Variants in SLC24A3 observed in about 807,000 individuals in gnomAD.
SLC24A3 encodes the protein solute carrier family 24 member 3.
SLC24A3 carries 28 observed loss-of-function variants against 75.8 expected under a neutral mutation model. The ratio of observed to expected loss-of-function variants is 0.37; its 90% confidence interval spans 0.27 to 0.51. The LOEUF (loss-of-function observed/expected upper bound fraction) is 0.51. SLC24A3 is among the 20% of genes least tolerant of loss of function. The pLI, the probability that SLC24A3 is intolerant of heterozygous loss-of-function variation, is 0.94. For missense variants in SLC24A3, 663 were observed against 847.8 expected (o/e 0.78, Z 2.71); for synonymous variants, 372 against 334.1 (o/e 1.11, Z -1.24).
chr20:19,521,048 C>T, intron 3 of SLC24A3, among the ~76,000 whole-genome samples: 1 of 152,088 alleles, frequency 6.6e-6, no homozygotes, highest in East Asian at 1.9e-4. Context: ...TTTTCAGGTC[C>T]ACTGTCTATT....
At chr20:19,215,037 C>A (rs534495187) in intron 1 of SLC24A3, among the ~76,000 whole-genome samples, 2 of 152,054 alleles carry the variant, frequency 1.3e-5, no homozygotes, top group Non-Finnish European at 2.9e-5. Context: ...CTTTTTTTTC[C>A]GTTAGGTATT....
At chr20:19,610,678 G>T (rs767035132) in intron 6 of SLC24A3, among the ~76,000 whole-genome samples, 1 of 152,238 alleles carries the variant, frequency 6.6e-6, no homozygotes, top group Non-Finnish European at 1.5e-5. Flanking sequence ...TATCAAGCAG[G>T]TCACTGCTCT....
chr20:19,391,126 C>T (rs1325388746), intron 2 of SLC24A3, among the ~76,000 whole-genome samples: 2 of 152,246 alleles, frequency 1.3e-5, no homozygotes, highest in Admixed American at 1.3e-4. Context: ...GGCATTTAAC[C>T]CAAGCTGTCT....
At chr20:19,598,829 G>T (rs973137407) in intron 6 of SLC24A3, among the ~76,000 whole-genome samples, 4 of 151,826 alleles carry the variant, frequency 2.6e-5, no homozygotes, top group Non-Finnish European at 5.9e-5. Flanking sequence ...CTAAACACAT[G>T]TGTCCCAGCC....
chr20:19,716,994 T>C lies in SLC24A3; in HGVS notation c.1720-534T>C, dbSNP rs534199375. On this transcript the variant is annotated intron_variant, in intron 15 of 16. Transcript: ENST00000328041. ...CTAACATCAGAAATGGAATTTTAAC[T>C]TTTTCTTCTGTTTTGTTTGCTCACA... 2.6e-5 allele frequency among the ~76,000 whole-genome samples: 4 copies of C among 152,368 alleles called. No homozygotes were observed. The South Asian group carries it at 8.3e-4, about 32-fold the overall frequency.
At chr20:19,230,630 G>T in intron 1 of SLC24A3, among the ~76,000 whole-genome samples, 1 of 91,208 alleles carries the variant, frequency 1.1e-5, no homozygotes, top group East Asian at 3.5e-4. Context: ...ATTGATGGGG[G>T]GGAATGGATG....
At chr20:19,673,437 G>A (rs1455156009) in intron 8 of SLC24A3, among the ~76,000 whole-genome samples, 164 bp from the exon 9 acceptor site, 3 of 152,218 alleles carry the variant, frequency 2.0e-5, no homozygotes, top group African/African-American at 4.8e-5. Context: ...ACAGCCTTAT[G>A]CAGCATAGAG....
intron 3 of SLC24A3, among the ~76,000 whole-genome samples, chr20:19,560,168 G>A (rs2030852681): frequency 6.6e-6 from 1 of 152,094 alleles, no homozygotes; most frequent in African/African-American, 2.4e-5. Context: ...AAATGAGACG[G>A]AAAAAGAGGA....
chr20:19,349,473 A>C (rs1030016438), intron 2 of SLC24A3, among the ~76,000 whole-genome samples: 1 of 152,134 alleles, frequency 6.6e-6, no homozygotes, highest in Non-Finnish European at 1.5e-5. Context: ...GACTTCTCCA[A>C]TCCCTAAGAG....
intron 2 of SLC24A3, among the ~76,000 whole-genome samples, chr20:19,296,656 C>G (rs533707708): frequency 6.6e-6 from 1 of 152,264 alleles, no homozygotes; most frequent in African/African-American, 2.4e-5. Flanking sequence ...TAGTGGGAAA[C>G]TTTAATACCC....
intron 3 of SLC24A3, among the ~76,000 whole-genome samples, chr20:19,516,128 C>T (rs145668666): frequency 6.6e-6 from 1 of 152,298 alleles, no homozygotes; most frequent in African/African-American, 2.4e-5. Context: ...CCATGTCTGA[C>T]ACATAGAAGA....
At chr20:19,678,992 G>A (rs1299161938) in intron 9 of SLC24A3, among the ~76,000 whole-genome samples, 3 of 151,582 alleles carry the variant, frequency 2.0e-5, no homozygotes, top group South Asian at 4.2e-4. Context: ...GATGGCGGCC[G>A]GGCAGAGACG....
At chr20:19,518,214 G>A (rs1312598566) in intron 3 of SLC24A3, among the ~76,000 whole-genome samples, 1 of 152,180 alleles carries the variant, frequency 6.6e-6, no homozygotes, top group Admixed American at 6.5e-5. Context: ...TGAATGCATG[G>A]GTCAAAGCTG....
chr20:19,398,734 G>C (rs528409492), intron 2 of SLC24A3, among the ~76,000 whole-genome samples: 1 of 152,296 alleles, frequency 6.6e-6, no homozygotes, highest in Non-Finnish European at 1.5e-5. Flanking sequence ...AGTGAGGAGA[G>C]TAGCTATCCT....
chr20:19,279,550 T>C (rs1448302771), intron 1 of SLC24A3, among the ~76,000 whole-genome samples: 2 of 152,214 alleles, frequency 1.3e-5, no homozygotes, highest in Non-Finnish European at 2.9e-5. Context: ...ACACCTGCTT[T>C]CCTTGCTCTT....
chr20:19,313,162 G>A (rs1237944863), intron 2 of SLC24A3, among the ~76,000 whole-genome samples: 3 of 148,028 alleles, frequency 2.0e-5, no homozygotes, highest in South Asian at 4.4e-4. Flanking sequence ...TCAGACTCCC[G>A]AGTAGCTGGG....
intron 1 of SLC24A3, among the ~76,000 whole-genome samples, chr20:19,236,119 C>A (rs753292824): frequency 3.3e-4 from 50 of 152,166 alleles, no homozygotes; most frequent in South Asian, 1.0e-3. Flanking sequence ...ATTCAACCAA[C>A]TTTTATTGGG....
At chr20:19,627,099 AGTGAGTCATTTCATTGAG>A (rs2031875737) in intron 6 of SLC24A3, among the ~76,000 whole-genome samples, 1 of 152,348 alleles carries the variant, frequency 6.6e-6, no homozygotes, top group East Asian at 1.9e-4. Context: ...GCAAAGCAGG[AGTGAGTCATTTCATTGAG>A]CTGTTGGCAT....
intron 6 of SLC24A3, among the ~76,000 whole-genome samples, chr20:19,612,898 C>A (rs2031689461): frequency 6.6e-6 from 1 of 152,192 alleles, no homozygotes; most frequent in South Asian, 2.1e-4. Context: ...GAGTAAAAGG[C>A]AAACTCAGAC....
Sources: gnomAD v4.1 joint callset for allele counts (sites outside exome capture counted in the v4.1 genomes callset) on GRCh38, gnomAD v4.1.1 for gene constraint, MANE v1.5 for transcripts, NCBI Gene and HGNC (gene_info 2026-07-23, HGNC 2026-07-21) for gene names.